The following ALPK3 variants were observed in gnomAD, a reference collection of about 807,000 sequenced individuals.
ALPK3 encodes alpha-protein kinase 3.
In ALPK3, 102 loss-of-function variants were observed where a neutral mutation model predicts 140.0. That is an observed-to-expected ratio of 0.73 (90% CI 0.62 to 0.86). The LOEUF (loss-of-function observed/expected upper bound fraction) is 0.86, where lower values mean the gene tolerates loss of function less well. Ranked by LOEUF, ALPK3 falls within the 40% of genes least tolerant of loss-of-function variation. The probability of loss-of-function intolerance (pLI) is 0.00; values close to 1 mark genes in which losing one functional copy is unlikely to be tolerated. For missense variants in ALPK3, 2,254 were observed against 2,208.2 expected, an observed-to-expected ratio of 1.02 and a Z score of -0.42; for synonymous variants, 938 against 898.5, an observed-to-expected ratio of 1.04 and a Z score of -0.79.
At chr15:84,855,143 T>A (rs961739871) in intron 5 of ALPK3, among the ~76,000 whole-genome samples, 2 of 152,254 alleles carry the variant, frequency 1.3e-5, no homozygotes, top group Admixed American at 1.3e-4. Context: ...TCTGCTCTGC[T>A]CATCTGCCGT....
At position 84,817,434 on chromosome 15, in the gene ALPK3, G is replaced by T; in HGVS notation, c.-19G>T. 7.9e-7 allele frequency: 1 copy of T among 1,262,020 alleles called. No homozygotes were observed. The highest frequency in any genetic ancestry group is 9.9e-7 in the Non-Finnish European group (1 of 1,008,470). 78.2% of individuals were successfully genotyped at this position (1,262,020 alleles called of 1,614,324 possible). A position where few individuals can be genotyped will look rare whatever the true frequency, so the allele number is the denominator to read the frequency against. On this transcript the variant is annotated 5_prime_UTR_variant, in exon 1 of 14. Transcript: ENST00000258888. ...AGGCAGCGGCGAGTGCGGGGCCGGC[G>T]GTCGGGGAGGGCGGTGCCATGGGGT... is the stretch of plus-strand genomic sequence containing the variant.
Position 84,823,360 on chromosome 15 carries a change from C to T in ALPK3, c.174C>T (p.Ser58=). ...SLSSNRLSHP[S]SGRSTFCSII... ...CAAGCAACCGGTTGTCTCACCCCAG[C>T]TCTGGAAGGTAAATGCATATTGCAC... is the stretch of plus-strand genomic sequence containing the variant. The change falls in exon 2 of 14, where the codon AGC becomes AGT. Residue 58 remains serine (S), a synonymous_variant. Coordinates refer to ENST00000258888, the MANE Select transcript of ALPK3 (RefSeq NM_020778.5). 6.2e-7 allele frequency: 1 copy of T among 1,614,176 alleles called. No individual in the cohort carries two copies. The highest frequency in any genetic ancestry group is 8.5e-7 in the Non-Finnish European group (1 of 1,180,030).
chr15:84,822,175 G>A (rs528770644), intron 1 of ALPK3, among the ~76,000 whole-genome samples: 223 of 152,250 alleles, frequency 1.5e-3, no homozygotes, highest in Non-Finnish European at 2.5e-3. Flanking sequence ...CTAGACTGTA[G>A]TGCAACAACA....
intron 1 of ALPK3, 39 bp downstream of exon 1, chr15:84,817,634 G>A (rs1018265683): frequency 2.7e-6 from 4 of 1,463,030 alleles, no homozygotes; most frequent in African/African-American, 2.9e-5. Flanking sequence ...TCGGGCCGGC[G>A]ATGCCCTGGG....
chr15:84,856,986 C>T lies in ALPK3; in HGVS notation c.2248C>T (p.Pro750Ser). ...CCCACCTACAGCGGGTCCTAGAGCTCCTCTGAATATTGAATGTTTTGTACA... is the reference window on the plus strand; with the variant it reads ...CCCACCTACAGCGGGTCCTAGAGCTTCTCTGAATATTGAATGTTTTGTACA... ...KLPPTAGPRA[P>S]LNIECFVQTP... is the part of the protein sequence containing the mutation. The change falls in exon 6 of 14, where the codon CCT becomes TCT. Residue 750 changes from proline to serine, a missense_variant. By Grantham distance (74) the Pro-to-Ser change is moderately conservative. Around this residue, in one of 3 missense-constraint regions of ALPK3, gnomAD observed 2,088 missense variants for 2,022.9 expected, o/e 1.03. Coordinates refer to ENST00000258888, the MANE Select transcript of ALPK3 (RefSeq NM_020778.5). The T allele has an allele frequency of 6.2e-7, 1 of 1,614,140 alleles. No homozygotes were observed. Among genetic ancestry groups the T allele is most frequent in the Non-Finnish European group, 8.5e-7 (1 of 1,180,044 alleles).
At position 84,863,585 on chromosome 15, in the gene ALPK3, T is replaced by C. The variant is rs1963972166; in HGVS notation, c.4444T>C (p.Cys1482Arg). Residue 1482 changes from cysteine (C) to arginine (R), a missense_variant, in exon 11 of 14, where the codon TGC becomes CGC. Physicochemically the swap from Cys to Arg is radical, Grantham distance 180 (BLOSUM62 -3). Transcript: ENST00000258888. ...GATCCAGAACATGAGTCGGGAGTACTGCAAAATCTTCGCAGCAGAAGCCCG... is the reference window on the plus strand; with the variant it reads ...GATCCAGAACATGAGTCGGGAGTACCGCAAAATCTTCGCAGCAGAAGCCCG... ...CKIQNMSREY[C>R]KIFAAEARAA... is the part of the protein sequence containing the mutation. 1 of 1,614,096 alleles carries C rather than the reference T, an allele frequency of 6.2e-7. No individual in the cohort carries two copies. The highest frequency in any genetic ancestry group is 8.5e-7 in the Non-Finnish European group (1 of 1,179,980).
rs1442372697 is a variant in ALPK3 at position 84,857,490 on chromosome 15, A to G, written c.2752A>G (p.Thr918Ala). 6.2e-7 allele frequency: 1 copy of G among 1,603,520 alleles called. No individual in the cohort carries two copies. The highest frequency in any genetic ancestry group is 8.5e-7 in the Non-Finnish European group (1 of 1,173,768). Residue 918 changes from threonine (T) to alanine (A), a missense_variant, in exon 6 of 14, where the codon ACC becomes GCC. Around this residue, in one of 3 missense-constraint regions of ALPK3, gnomAD observed 2,088 missense variants for 2,022.9 expected, o/e 1.03. Transcript: ENST00000258888. ...SAPTLHLGLG[T>A]PTQSHPPETM... ...CCCAACACTGCACCTGGGGCTGGGG[A>G]CCCCCACTCAGAGTCACCCACCAGA... is the stretch of plus-strand genomic sequence containing the variant.
Position 84,817,578 on chromosome 15 carries a change from C to A in ALPK3, c.126C>A (p.Ser42Arg), listed in dbSNP as rs909121019. ...CAGCCAGCCGGAGCTACCTGCTCAGCGTGCGGCCCGAGACCAGGTAAGTGG... is the reference window on the plus strand; with the variant it reads ...CAGCCAGCCGGAGCTACCTGCTCAGAGTGCGGCCCGAGACCAGGTAAGTGG... The part of the protein sequence containing the change: ...PSPASRSYLL[S>R]VRPETSLSSN... The change falls in exon 1 of 14, where the codon AGC (serine) becomes AGA (arginine). Residue 42 changes from serine to arginine, a missense_variant. Physicochemically the swap from Ser to Arg is moderately radical, Grantham distance 110 (BLOSUM62 -1). Transcript: ENST00000258888. 6.0e-6 allele frequency: 9 copies of A among 1,501,844 alleles called. No homozygotes were observed. The highest frequency in any genetic ancestry group is 8.0e-6 in the Non-Finnish European group (9 of 1,130,966). 93.0% of individuals were successfully genotyped at this position (1,501,844 alleles called of 1,614,324 possible).
Position 84,872,945 on chromosome 15 carries a change from G to A in ALPK3, c.*4489G>A, listed in dbSNP as rs1964090900. The A allele has an allele frequency of 6.6e-6, 1 of 152,232 alleles. No homozygotes were observed. The highest frequency in any genetic ancestry group is 1.5e-5 in the Non-Finnish European group (1 of 68,030). 9.4% of individuals were successfully genotyped at this position (152,232 alleles called of 1,614,324 possible). ...TTGAGACAGAACTGTTGGCCCAGAAGTCTTTAGTTAAGGTCATTACTAGGC... is the reference window on the plus strand; with the variant it reads ...TTGAGACAGAACTGTTGGCCCAGAAATCTTTAGTTAAGGTCATTACTAGGC... On this transcript the variant is annotated 3_prime_UTR_variant, in exon 14 of 14. Coordinates refer to ENST00000258888, the MANE Select transcript of ALPK3 (RefSeq NM_020778.5).
intron 1 of ALPK3, among the ~76,000 whole-genome samples, chr15:84,821,211 C>T (rs919857298): frequency 1.3e-5 from 2 of 152,182 alleles, no homozygotes; most frequent in Non-Finnish European, 2.9e-5. Flanking sequence ...TTCTGAAGAC[C>T]AGGTGCCTCC....
Position 84,840,164 on chromosome 15 carries a change from C to A in ALPK3, c.885C>A (p.Tyr295Ter), listed in dbSNP as rs1174211728. 2 of 1,613,776 alleles carry A rather than the reference C, an allele frequency of 1.2e-6. No individual in the cohort carries two copies. Among genetic ancestry groups the A allele is most frequent in the Admixed American group, 3.3e-5 (2 of 59,998 alleles). The change falls in exon 5 of 14, where the codon TAC (tyrosine) becomes TAA (stop). Residue 295 changes from tyrosine to a stop codon, truncating the protein, a stop_gained. Transcript: ENST00000258888. LOFTEE classifies it high-confidence loss of function. ...GEDGEHGLLTYICDAMELGPQ... is the reference protein window; with the variant it reads ...GEDGEHGLLT ...ACGGAGAGCATGGCTTGCTGACATA[C>A]ATCTGTGACGCCATGGAGCTGGGGC...
At chr15:84,820,312 C>T (rs921693364) in intron 1 of ALPK3, among the ~76,000 whole-genome samples, 5 of 152,106 alleles carry the variant, frequency 3.3e-5, no homozygotes, top group African/African-American at 7.2e-5. Context: ...CAGCATGGGT[C>T]AGCCAGGCTG....
Position 84,857,044 on chromosome 15 carries a change from C to G in ALPK3, c.2306C>G (p.Pro769Arg). The G allele has an allele frequency of 6.2e-7, 1 of 1,614,152 alleles. No individual in the cohort carries two copies. The highest frequency in any genetic ancestry group is 8.5e-7 in the Non-Finnish European group (1 of 1,180,006). ...GAAGGGTCTTGTTTCCCAAAAAAAC[C>G]TGGTTGCCTGCCCAGATCTGAGGAG... ...TPEGSCFPKK[P>R]GCLPRSEEAV... The change falls in exon 6 of 14, where the codon CCT (proline) becomes CGT (arginine). Residue 769 changes from proline to arginine, a missense_variant. Pro to Arg is a moderately radical substitution (Grantham distance 103, BLOSUM62 -2). This residue lies in a region of ALPK3 where 2,088 missense variants were observed against 2,022.9 expected (regional missense o/e 1.03). Transcript: ENST00000258888.
chr15:84,857,635 T>C lies in ALPK3; in HGVS notation c.2897T>C (p.Leu966Pro). The C allele has an allele frequency of 6.3e-7, 1 of 1,587,784 alleles. No individual in the cohort carries two copies. The highest frequency in any genetic ancestry group is 8.6e-7 in the Non-Finnish European group (1 of 1,163,140). ...LIDSLKNYLL[L>P]LLKLSSTETS... Reference sequence around the variant, plus strand: ...GATTCCCTGAAGAACTACCTGCTTCTGCTGCTGAAGCTGTCCAGCACAGAG... The same window carrying C: ...GATTCCCTGAAGAACTACCTGCTTCCGCTGCTGAAGCTGTCCAGCACAGAG... Residue 966 changes from leucine to proline, a missense_variant, in exon 6 of 14, where the codon CTG (leucine) becomes CCG (proline). Around this residue, in one of 3 missense-constraint regions of ALPK3, gnomAD observed 2,088 missense variants for 2,022.9 expected, o/e 1.03. Transcript: ENST00000258888.
chr15:84,857,459 T>C lies in ALPK3; in HGVS notation c.2721T>C (p.Ser907=). The C allele has an allele frequency of 6.2e-7, 1 of 1,613,266 alleles. No individual in the cohort carries two copies. The highest frequency in any genetic ancestry group is 8.5e-7 in the Non-Finnish European group (1 of 1,179,584). ...FLPSEDQVLM[S]SAPTLHLGLG... is the part of the protein sequence containing the mutation. ...CCTCTGAGGATCAGGTCCTGATGAG[T>C]TCTGCCCCAACACTGCACCTGGGGC... is the stretch of plus-strand genomic sequence containing the variant. The change falls in exon 6 of 14, where the codon AGT becomes AGC. Residue 907 remains serine (S), a synonymous_variant. Transcript: ENST00000258888.
chr15:84,827,662 G>C (rs1475788636), intron 3 of ALPK3, 57 bp downstream of exon 3: 1 of 1,599,678 alleles, frequency 6.3e-7, no homozygotes, highest in Non-Finnish European at 8.5e-7. Context: ...CAGGGTCCAA[G>C]GAGGCTGTGA....
Position 84,861,780 on chromosome 15 carries a change from C to T in ALPK3, c.4130-855C>T, listed in dbSNP as rs571216911. 8.1e-5 allele frequency among the ~76,000 whole-genome samples: 4 copies of T among 49,400 alleles called. No homozygotes were observed. In the South Asian group the frequency reaches 1.7e-3, roughly 21 times the overall value. 32.4% of individuals were successfully genotyped at this position (49,400 alleles called of 152,430 possible). A position where few individuals can be genotyped will look rare whatever the true frequency, so the allele number is the denominator to read the frequency against. ...CTTTAGTTACTAGAATTTAGAATAA[C>T]GAGTTGGTGCCCTACCCTACCGTTT... is the stretch of plus-strand genomic sequence containing the variant. On this transcript the variant is annotated intron_variant, in intron 9 of 13. Transcript: ENST00000258888.
intron 1 of ALPK3, 75 bp downstream of exon 1, chr15:84,817,670 C>A (rs1963376982): frequency 7.2e-7 from 1 of 1,380,930 alleles, no homozygotes; most frequent in East Asian, 3.1e-5. Context: ...GGCGGCCTGG[C>A]CCCTGGAGGC....
chr15:84,838,655 T>G, intron 3 of ALPK3, among the ~76,000 whole-genome samples: 1 of 146,664 alleles, frequency 6.8e-6, no homozygotes, highest in East Asian at 2.1e-4. Context: ...GGAGTCTCAC[T>G]ATCGCCTAGG....
Sources: gnomAD v4.1 joint callset for allele counts (sites outside exome capture counted in the v4.1 genomes callset) on GRCh38, gnomAD v4.1.1 for gene constraint, gnomAD v4.1.1 regional missense constraint, MANE v1.5 for transcripts, NCBI Gene and HGNC (gene_info 2026-07-23, HGNC 2026-07-21) for gene names.